The following AMPD2 variants were observed in gnomAD, a reference collection of about 807,000 sequenced individuals.
AMPD2 encodes adenosine monophosphate deaminase 2.
AMPD2 carries 52 observed loss-of-function variants against 91.3 expected under a neutral mutation model. That is an observed-to-expected ratio of 0.57 (90% confidence interval 0.46 to 0.72). AMPD2 has a LOEUF of 0.72. AMPD2 is among the 30% of genes least tolerant of loss of function. AMPD2 has a pLI of 0.00. For synonymous variants in AMPD2, 455 were observed against 456.4 expected (o/e 1.00, Z 0.04); for missense variants, 822 against 1,122.3 (o/e 0.73, Z 3.82).
rs766682497 is a variant in AMPD2, at chr1:109,621,423, G to A, written c.91+157G>A. On this transcript the variant is annotated intron_variant, in intron 2 of 18. Coordinates refer to ENST00000528667, the MANE Select transcript of AMPD2 (RefSeq NM_001368809.2). ...GTCCCAGGGACAGCCGGCTTGGAAG[G>A]TGGGGTGAGGGGTGGTGGGGGGCGG... The A allele has an allele frequency of 1.9e-5, 14 of 748,140 alleles. No homozygotes were observed. The South Asian group carries it at 2.1e-4, about 11-fold the overall frequency. The allele number at this position is 748,140 out of a possible 1,614,324, so 46.3% of individuals were successfully genotyped here. A position where few individuals can be genotyped will look rare whatever the true frequency, so the allele number is the denominator to read the frequency against.
chr1:109,623,050 C>T (rs1650386776), intron 2 of AMPD2, among the ~76,000 whole-genome samples: 1 of 152,156 alleles, frequency 6.6e-6, no homozygotes, highest in Admixed American at 6.5e-5. Context: ...CTTTACTGGC[C>T]TATTGCCTTT....
chr1:109,621,436 T>TGTGGGGGGGGGGGGGGGGGG, intron 2 of AMPD2, 170 bp downstream of exon 2: 1 of 122,442 alleles, frequency 8.2e-6, no homozygotes, highest in Non-Finnish European at 1.7e-5. Context: ...GGGTGAGGGG[T>TGTGGGGGGGGGGGGGGGGGG]GGTGGGGGGC....
intron 2 of AMPD2, chr1:109,622,464 C>A (rs1650345636): frequency 2.8e-6 from 1 of 362,778 alleles, no homozygotes; most frequent in African/African-American, 2.1e-5. Flanking sequence ...ATGGGGTGCT[C>A]AGAATCTCAG....
chr1:109,627,101 T>G, intron 7 of AMPD2, 74 bp from the exon 8 acceptor site: 2 of 1,601,116 alleles, frequency 1.2e-6, no homozygotes, highest in Non-Finnish European at 1.7e-6. Flanking sequence ...TCTTGCCCTC[T>G]GTGGGGCCTT....
In AMPD2 at chr1:109,628,970, C is replaced by T; in HGVS notation, c.1572-139C>T. The T allele has an allele frequency of 6.9e-7, 1 of 1,441,558 alleles. No individual in the cohort carries two copies. The allele number at this position is 1,441,558 out of a possible 1,614,324, so 89.3% of individuals were successfully genotyped here. On this transcript the variant is annotated intron_variant, in intron 13 of 18. Transcript: ENST00000528667. The surrounding 1 kb of genome is among the most constrained non-coding windows in gnomAD (Gnocchi z 7.1). Reference sequence around the variant, plus strand: ...CATCCATGGTCTGTCCAGCCTGGCCCACCTGGGTATCCTTGCTTTCCCAAT... The same window carrying T: ...CATCCATGGTCTGTCCAGCCTGGCCTACCTGGGTATCCTTGCTTTCCCAAT...
In AMPD2 at chr1:109,619,921, G is replaced by A. The variant is rs1156284728; in HGVS notation, c.-620G>A. ...TGACTCCCCCACAGTCCGGCCGCGG[G>A]AGTCCGACCCTGAATGCCCAGGGAG... On this transcript the variant is annotated 5_prime_UTR_variant, in exon 1 of 19. Transcript: ENST00000528667. 8.4e-6 allele frequency: 3 copies of A among 357,672 alleles called. No homozygotes were observed. Among genetic ancestry groups the A allele is most frequent in the Non-Finnish European group, 1.1e-5 (2 of 187,492 alleles). The allele number at this position is 357,672 out of a possible 1,614,324, so 22.2% of individuals were successfully genotyped here. A position where few individuals can be genotyped will look rare whatever the true frequency, so the allele number is the denominator to read the frequency against.
Position 109,630,690 on chromosome 1 carries a change from T to A in AMPD2, c.2165T>A (p.Leu722Gln). The part of the protein sequence containing the change: ...PLQFHFTKEP[L>Q]MEEYSIATQV... Reference sequence around the variant, plus strand: ...GGAACCTGGCCCGTGCAGGAGCCGCTGATGGAGGAGTACAGCATCGCCACC... The same window carrying A: ...GGAACCTGGCCCGTGCAGGAGCCGCAGATGGAGGAGTACAGCATCGCCACC... Residue 722 changes from leucine (L) to glutamine (Q), a missense_variant, in exon 18 of 19, where the codon CTG becomes CAG. Leu to Gln is a moderately radical substitution (Grantham distance 113). Coordinates refer to ENST00000528667, the MANE Select transcript of AMPD2 (RefSeq NM_001368809.2). 1 of 1,611,066 alleles carries A rather than the reference T, an allele frequency of 6.2e-7. No homozygotes were observed. The highest frequency in any genetic ancestry group is 2.2e-5 in the East Asian group (1 of 44,760).
chr1:109,629,970 C>T, intron 16 of AMPD2, 54 bp downstream of exon 16: 1 of 1,546,738 alleles, frequency 6.5e-7, no homozygotes, highest in South Asian at 1.2e-5. Flanking sequence ...TCCTCTGAAC[C>T]ATTCGGGCCC....
At position 109,625,887 on chromosome 1, in the gene AMPD2, G is replaced by T. The variant is rs999483412; in HGVS notation, c.353+95G>T. On this transcript the variant is annotated intron_variant, in intron 4 of 18. Coordinates refer to ENST00000528667, the MANE Select transcript of AMPD2 (RefSeq NM_001368809.2). This position sits in a 1 kb window ranked among gnomAD's most constrained non-coding sequence, Gnocchi z 4.0. ...CCTCTTTCCCTCGCACCCTGCCTTG[G>T]GGGGTCTGCACAGGGAGCATAGAGT... 6.5e-7 allele frequency: 1 copy of T among 1,545,380 alleles called. No individual in the cohort carries two copies. The highest frequency in any genetic ancestry group is 8.8e-7 in the Non-Finnish European group (1 of 1,141,966).
chr1:109,631,211 C>T lies in AMPD2; in HGVS notation c.*59C>T. On this transcript the variant is annotated 3_prime_UTR_variant, in exon 19 of 19. Coordinates refer to ENST00000528667, the MANE Select transcript of AMPD2 (RefSeq NM_001368809.2). Reference sequence around the variant, plus strand: ...ACTTTTACCACGTTTTGTCCTCAGACCCCGCCCATGCTGTGTGGTCTCTGC... The same window carrying T: ...ACTTTTACCACGTTTTGTCCTCAGATCCCGCCCATGCTGTGTGGTCTCTGC... The T allele has an allele frequency of 6.8e-7, 1 of 1,475,370 alleles. No homozygotes were observed. Among genetic ancestry groups the T allele is most frequent in the Non-Finnish European group, 9.3e-7 (1 of 1,078,210 alleles). 91.4% of individuals were successfully genotyped at this position (1,475,370 alleles called of 1,614,324 possible).
At chr1:109,622,416 C>A in intron 2 of AMPD2, 1 of 394,956 alleles carries the variant, frequency 2.5e-6, no homozygotes, top group Non-Finnish European at 5.1e-6. Context: ...CTGAGGCAGT[C>A]GTGGCAGTGT....
rs1305218774 is a variant in AMPD2 at position 109,628,100 on chromosome 1, T to C, written c.1098T>C (p.His366=). ...YNIRKVDTHI[H]ASSCMNQKHL... is the part of the protein sequence containing the mutation. ...CATTCCAGGTGGACACCCACATCCA[T>C]GCCTCGTCCTGCATGAACCAGAAGC... The change falls in exon 11 of 19, where the codon CAT becomes CAC. Residue 366 remains histidine, a synonymous_variant. Transcript: ENST00000528667. This position sits in a 1 kb window ranked among gnomAD's most constrained non-coding sequence, Gnocchi z 7.1. The C allele has an allele frequency of 1.5e-5, 25 of 1,613,658 alleles. No homozygotes were observed. Among genetic ancestry groups the C allele is most frequent in the Non-Finnish European group, 2.1e-5 (25 of 1,179,888 alleles).
chr1:109,626,700 G>A, intron 6 of AMPD2, 26 bp from the exon 7 acceptor site: 1 of 1,602,552 alleles, frequency 6.2e-7, no homozygotes, highest in Non-Finnish European at 8.5e-7. Flanking sequence ...AGACTGAGGA[G>A]AGTGATCGCA....
At position 109,625,365 on chromosome 1, in the gene AMPD2, C is replaced by T. The variant is rs1650574137; in HGVS notation, c.154C>T (p.Pro52Ser). 2 of 1,613,878 alleles carry T rather than the reference C, an allele frequency of 1.2e-6. No individual in the cohort carries two copies. Among genetic ancestry groups the T allele is most frequent in the South Asian group, 1.1e-5 (1 of 91,086 alleles). ...QSARSLPGPA[P>S]CLKHFPLDLR... ...TGCCCGATCCCTGCCGGGCCCCGCC[C>T]CCTGCCTCAAGCACTTCCCGCTCGA... Residue 52 changes from proline (P) to serine (S), a missense_variant, in exon 3 of 19, where the codon CCC (proline) becomes TCC (serine). This residue lies in a region of AMPD2 where 105 missense variants were observed against 125.0 expected (regional missense o/e 0.84). Transcript: ENST00000528667. This position sits in a 1 kb window ranked among gnomAD's most constrained non-coding sequence, Gnocchi z 4.0.
chr1:109,627,694 C>G (rs1650824723), intron 9 of AMPD2, 80 bp from the exon 10 acceptor site: 1 of 1,581,082 alleles, frequency 6.3e-7, no homozygotes, highest in Non-Finnish European at 8.6e-7. Context: ...CCCACCTGCT[C>G]CCTCTGATCT....
chr1:109,626,101 C>G, intron 4 of AMPD2, 59 bp from the exon 5 acceptor site: 1 of 1,586,572 alleles, frequency 6.3e-7, no homozygotes, highest in South Asian at 1.1e-5. Flanking sequence ...GGTGCTGGGA[C>G]CTGGGAGCAA....
chr1:109,621,439 T>TGGGGG, intron 2 of AMPD2, 173 bp downstream of exon 2: 2 of 121,626 alleles, frequency 1.6e-5, no homozygotes, highest in Non-Finnish European at 1.7e-5. Flanking sequence ...TGAGGGGTGG[T>TGGGGG]GGGGGGCGGG....
Position 109,620,651 on chromosome 1 carries a change from A to G in AMPD2, c.-262-263A>G, listed in dbSNP as rs562618862. 12 of 1,196,688 alleles carry G rather than the reference A, an allele frequency of 1.0e-5. No homozygotes were observed. The South Asian group carries it at 2.8e-4, about 28-fold the overall frequency. 74.1% of individuals were successfully genotyped at this position (1,196,688 alleles called of 1,614,324 possible). ...AGCTGAGGGTCAGATGTGGAAGGAA[A>G]GTGGGTGCTGGGTTTTCACGGAGTA... is the stretch of plus-strand genomic sequence containing the variant. On this transcript the variant is annotated intron_variant, in intron 1 of 18. Transcript: ENST00000528667.
At chr1:109,621,296 G>A in intron 2 of AMPD2, 30 bp downstream of exon 2, 2 of 1,608,438 alleles carry the variant, frequency 1.2e-6, no homozygotes, top group Non-Finnish European at 1.7e-6. Flanking sequence ...CCTCAGGATA[G>A]ATGCTGGGCT....
Sources: allele counts gnomAD v4.1 joint callset (sites outside exome capture counted in the v4.1 genomes callset), GRCh38; gene constraint gnomAD v4.1.1; regional missense constraint gnomAD v4.1.1; non-coding constraint Gnocchi (gnomAD v3.1); transcripts MANE v1.5; gene names NCBI Gene and HGNC (gene_info 2026-07-23, HGNC 2026-07-21).